Variants in ZNF711 observed in about 807,000 individuals in gnomAD.
ZNF711 encodes the protein zinc finger protein 711.
In ZNF711, 3 loss-of-function variants were observed where a neutral mutation model predicts 43.5. The ratio of observed to expected loss-of-function variants is 0.07; its 90% CI spans 0.03 to 0.18. ZNF711 has a LOEUF of 0.18. Ranked by LOEUF, ZNF711 falls within the 10% of genes least tolerant of loss-of-function variation. The pLI, the probability that ZNF711 is intolerant of heterozygous loss-of-function variation, is 1.00. For synonymous variants in ZNF711, 209 were observed against 207.7 expected, an observed-to-expected ratio of 1.01 and a Z score of -0.06; for missense variants, 412 against 604.0, an observed-to-expected ratio of 0.68 and a Z score of 3.33.
chrX:85,265,635 A>C (rs1451739150), intron 7 of ZNF711, among the ~76,000 whole-genome samples: 1 of 110,103 alleles, frequency 9.1e-6, no homozygotes, highest in East Asian at 2.9e-4. Flanking sequence ...GGTAGGTGGT[A>C]TTTTTCCTGT....
intron 5 of ZNF711, among the ~76,000 whole-genome samples, chrX:85,258,566 A>AAATAAT (rs752018307): frequency 2.5e-4 from 27 of 109,145 alleles, no homozygotes; most frequent in South Asian, 1.6e-3. Flanking sequence ...TGAACAAGCA[A>AAATAAT]AATAATAATA....
intron 5 of ZNF711, among the ~76,000 whole-genome samples, chrX:85,262,571 G>T (rs1930752654): frequency 9.1e-6 from 1 of 109,527 alleles, no homozygotes; most frequent in Non-Finnish European, 1.9e-5. Context: ...AAGCTATTAA[G>T]CCAGTAATAT....
At chrX:85,254,549 G>C (rs1490010046) in intron 4 of ZNF711, among the ~76,000 whole-genome samples, 1 of 69,742 alleles carries the variant, frequency 1.4e-5, no homozygotes, top group Admixed American at 1.6e-4. Context: ...GGAGCTTGCA[G>C]TGAGCCGAGA....
chrX:85,265,767 G>A (rs775013420), intron 7 of ZNF711, among the ~76,000 whole-genome samples: 1 of 111,135 alleles, frequency 9.0e-6, no homozygotes, highest in Non-Finnish European at 1.9e-5. Flanking sequence ...TTTCCACATG[G>A]CAGTGGGCAC....
intron 4 of ZNF711, among the ~76,000 whole-genome samples, chrX:85,249,639 G>T (rs1929373085): frequency 9.0e-6 from 1 of 110,869 alleles, no homozygotes; most frequent in African/African-American, 3.3e-5. Flanking sequence ...AGTTGTTAGG[G>T]GAATAGAATA....
At chrX:85,248,320 T>C (rs1454350915) in intron 4 of ZNF711, among the ~76,000 whole-genome samples, 1 of 108,261 alleles carries the variant, frequency 9.2e-6, no homozygotes, top group Admixed American at 9.9e-5. Context: ...GTACAAAAGA[T>C]TAGCTGAGCG....
chrX:85,270,566 A>G, intron 10 of ZNF711, 85 bp from the exon 11 acceptor site: 1 of 804,934 alleles, frequency 1.2e-6, no homozygotes, highest in Non-Finnish European at 1.8e-6. Context: ...CACATAGTGA[A>G]TGCCAACTAG....
chrX:85,268,488 C>A, intron 9 of ZNF711, 147 bp downstream of exon 9: 1 of 626,030 alleles, frequency 1.6e-6, no homozygotes, highest in South Asian at 3.0e-5. Context: ...TTAGGAGTTT[C>A]TTCTTTGAGG....
rs190776021 is a variant in ZNF711, at chrX:85,246,001, T to C, written c.-307T>C. 1.6e-4 allele frequency: 18 copies of C among 112,394 alleles called. No homozygotes were observed. Among genetic ancestry groups the C allele is most frequent in the African/African-American group, 5.2e-4 (16 of 30,983 alleles). 9.3% of individuals were successfully genotyped at this position (112,394 alleles called of 1,213,427 possible). ...ACTTTATGTGAGAAAATCTACAATT[T>C]CTTCGAGACACTCATATAAAGGTGA... On this transcript the variant is annotated 5_prime_UTR_variant, in exon 2 of 11. Coordinates refer to ENST00000674551, the MANE Select transcript of ZNF711 (RefSeq NM_001330574.2).
At chrX:85,268,423 T>C in intron 9 of ZNF711, 82 bp downstream of exon 9, 1 of 1,078,929 alleles carries the variant, frequency 9.3e-7, no homozygotes, top group Non-Finnish European at 1.3e-6. Flanking sequence ...CAAGTTTGTG[T>C]CTACAGACAC....
At position 85,273,029 on chromosome X, in the gene ZNF711, T is replaced by C. The variant is rs998387743; in HGVS notation, c.*1201T>C. On this transcript the variant is annotated 3_prime_UTR_variant, in exon 11 of 11. Transcript: ENST00000674551. ...GTTCATAAATGTAATGCATATGATA[T>C]GTACTTTTAAGTTTTAGTTGCTTCA... The C allele has an allele frequency of 1.8e-5, 2 of 112,187 alleles. No homozygotes were observed. Among genetic ancestry groups the C allele is most frequent in the Admixed American group, 1.9e-4 (2 of 10,503 alleles). 9.2% of individuals were successfully genotyped at this position (112,187 alleles called of 1,213,427 possible).
chrX:85,247,673 AT>A, intron 4 of ZNF711, 22 bp downstream of exon 4: 1 of 1,173,881 alleles, frequency 8.5e-7, no homozygotes, highest in Non-Finnish European at 1.2e-6. Flanking sequence ...TCTTTGTTGT[AT>A]TTTTTTCTTT....
rs1931594827 is a variant in ZNF711 at position 85,271,833 on chromosome X, A to T, written c.*5A>T. 3 of 1,187,583 alleles carry T rather than the reference A, an allele frequency of 2.5e-6. No homozygotes were observed. Among genetic ancestry groups the T allele is most frequent in the Non-Finnish European group, 3.4e-6 (3 of 874,156 alleles). ...CACAAAGAGGCTCTTATGTAATAAG[A>T]TCAATATAAAGAAAGAAGCTATTTA... On this transcript the variant is annotated 3_prime_UTR_variant, in exon 11 of 11. Transcript: ENST00000674551.
rs1931659392 is a variant in ZNF711 at position 85,272,782 on chromosome X, T to C, written c.*954T>C. 1 of 112,164 alleles carries C rather than the reference T, an allele frequency of 8.9e-6. No individual in the cohort carries two copies. The highest frequency in any genetic ancestry group is 3.2e-5 in the African/African-American group (1 of 30,892). The allele number at this position is 112,164 out of a possible 1,213,427, so 9.2% of individuals were successfully genotyped here. A position where few individuals can be genotyped will look rare whatever the true frequency, so the allele number is the denominator to read the frequency against. On this transcript the variant is annotated 3_prime_UTR_variant, in exon 11 of 11. Transcript: ENST00000674551. ...CCATTATTGAAATTGATTTTTAAAA[T>C]CTATATACCATATGATTAACATGCA...
rs778310090 is a variant in ZNF711 at position 85,244,852 on chromosome X, C to T, written c.-406+661C>T. 1.8e-5 allele frequency: 2 copies of T among 111,414 alleles called. No homozygotes were observed. Among genetic ancestry groups the T allele is most frequent in the African/African-American group, 6.6e-5 (2 of 30,463 alleles). The allele number at this position is 111,414 out of a possible 1,213,427, so 9.2% of individuals were successfully genotyped here. ...GAGGAGGCTGAGGGGCTGGGCAGCA[C>T]GGCGTGGGTAGCAGCGGTGGCGACC... On this transcript the variant is annotated intron_variant, in intron 1 of 10. Coordinates refer to ENST00000674551, the MANE Select transcript of ZNF711 (RefSeq NM_001330574.2).
At position 85,271,598 on chromosome X, in the gene ZNF711, A is replaced by G. The variant is rs762832799; in HGVS notation, c.2194A>G (p.Arg732Gly). The G allele has an allele frequency of 8.3e-7, 1 of 1,211,158 alleles. No individual in the cohort carries two copies. The highest frequency in any genetic ancestry group is 1.1e-6 in the Non-Finnish European group (1 of 895,092). ...ATGTAAAAGGTGCAAGAGAGGATTC[A>G]GACAACAAAATGAGCTAAAAAAACA... ...LKCKRCKRGF[R>G]QQNELKKHMK... The change falls in exon 11 of 11, where the codon AGA (arginine) becomes GGA (glycine). Residue 732 changes from arginine to glycine, a missense_variant. By Grantham distance (125) the Arg-to-Gly change is moderately radical. Coordinates refer to ENST00000674551, the MANE Select transcript of ZNF711 (RefSeq NM_001330574.2).
intron 5 of ZNF711, among the ~76,000 whole-genome samples, 167 bp from the exon 6 acceptor site, chrX:85,264,108 T>A (rs1163585081): frequency 9.0e-6 from 1 of 111,069 alleles, no homozygotes; most frequent in Non-Finnish European, 1.9e-5. Flanking sequence ...ATAACACTTT[T>A]AATGGCTTCA....
chrX:85,271,413 G>A lies in ZNF711; in HGVS notation c.2009G>A (p.Cys670Tyr). 8.3e-7 allele frequency: 1 copy of A among 1,211,074 alleles called. No homozygotes were observed. The highest frequency in any genetic ancestry group is 1.1e-6 in the Non-Finnish European group (1 of 895,219). Residue 670 changes from cysteine to tyrosine, a missense_variant, in exon 11 of 11, where the codon TGT becomes TAT. Physicochemically the swap from Cys to Tyr is radical, Grantham distance 194 (BLOSUM62 -2). Around this residue, in one of 4 missense-constraint regions of ZNF711, gnomAD observed 375 missense variants for 514.2 expected, o/e 0.73. Coordinates refer to ENST00000674551, the MANE Select transcript of ZNF711 (RefSeq NM_001330574.2). ...GATTTTCCTCACAAATGTGAGGTCT[G>A]TGATAAAGGTTTTCATCGTCCTTCT... The part of the protein sequence containing the change: ...TKDFPHKCEV[C>Y]DKGFHRPSEL...
At chrX:85,253,891 G>T in intron 4 of ZNF711, among the ~76,000 whole-genome samples, 1 of 111,173 alleles carries the variant, frequency 9.0e-6, no homozygotes, top group Non-Finnish European at 1.9e-5. Flanking sequence ...ACATTATACA[G>T]TATCATAACC....
Sources: gnomAD v4.1 joint callset for allele counts (sites outside exome capture counted in the v4.1 genomes callset) on GRCh38, gnomAD v4.1.1 for gene constraint, gnomAD v4.1.1 regional missense constraint, MANE v1.5 for transcripts, NCBI Gene and HGNC (gene_info 2026-07-23, HGNC 2026-07-21) for gene names.